The following VPS41 variants were observed in gnomAD, a reference collection of about 807,000 sequenced individuals.
VPS41 encodes the protein vacuolar protein sorting-associated protein 41 homolog.
A neutral mutation model predicts 130.9 loss-of-function variants in VPS41; 85 were observed. The observed-to-expected ratio is 0.65, with a 90% CI of 0.55 to 0.78. The LOEUF is 0.78. Among genes scored for constraint, VPS41 ranks in the 30% least tolerant of loss-of-function variants. The pLI, the probability that VPS41 is intolerant of heterozygous loss-of-function variation, is 0.00. For synonymous variants in VPS41, 335 were observed against 332.9 expected (o/e 1.01, Z -0.07); for missense variants, 874 against 1,018.7 (o/e 0.86, Z 1.93).
In VPS41 at chr7:38,828,274, G is replaced by A. The variant is rs541828136; in HGVS notation, c.321+1980C>T. Among the ~76,000 whole-genome samples, 5 of 151,250 alleles carry A rather than the reference G, an allele frequency of 3.3e-5. No homozygotes were observed. In the East Asian group the frequency reaches 9.8e-4, roughly 30 times the overall value. ...ACACACACACGCACACATACGATAT[G>A]TGTGTCTCAAAATGTAGAACTGCAG... is the stretch of plus-strand genomic sequence containing the variant. On this transcript the variant is annotated intron_variant, in intron 5 of 28. Coordinates refer to ENST00000310301, the MANE Select transcript of VPS41 (RefSeq NM_014396.4).
At chr7:38,728,869 T>A in intron 25 of VPS41, 78 bp from the exon 26 acceptor site, 1 of 1,287,262 alleles carries the variant, frequency 7.8e-7, no homozygotes. Flanking sequence ...GTACTGGGGA[T>A]TCCAAAAGCT....
intron 2 of VPS41, among the ~76,000 whole-genome samples, chr7:38,884,511 C>T (rs1472677274): frequency 6.6e-6 from 1 of 152,084 alleles, no homozygotes; most frequent in East Asian, 1.9e-4. Context: ...AAAGGTAACA[C>T]AATTTTTTTT....
intron 4 of VPS41, among the ~76,000 whole-genome samples, chr7:38,854,781 A>G (rs1413052042): frequency 6.6e-6 from 1 of 152,074 alleles, no homozygotes; most frequent in Non-Finnish European, 1.5e-5. Flanking sequence ...TCAGGAAATT[A>G]GCATTCTATG....
chr7:38,880,997 G>A (rs930442427), intron 2 of VPS41, among the ~76,000 whole-genome samples: 1 of 152,034 alleles, frequency 6.6e-6, no homozygotes, highest in African/African-American at 2.4e-5. Context: ...TCTGAAATGC[G>A]GCCTAATGAA....
At chr7:38,764,708 C>T (rs1301799645) in intron 16 of VPS41, among the ~76,000 whole-genome samples, 1 of 152,114 alleles carries the variant, frequency 6.6e-6, no homozygotes. Context: ...TGAGCTAATA[C>T]ACTCTGGGGA....
At chr7:38,752,398 C>T in intron 21 of VPS41, 85 bp from the exon 22 acceptor site, 3 of 1,529,738 alleles carry the variant, frequency 2.0e-6, no homozygotes, top group Non-Finnish European at 2.7e-6. Context: ...GCTCTAAACA[C>T]CTCCCATGGA....
At chr7:38,778,096 C>T (rs979178187) in intron 10 of VPS41, among the ~76,000 whole-genome samples, 1 of 152,130 alleles carries the variant, frequency 6.6e-6, no homozygotes, top group African/African-American at 2.4e-5. Context: ...GCAACATAAA[C>T]TTATAAAAAG....
intron 4 of VPS41, among the ~76,000 whole-genome samples, chr7:38,848,032 T>C (rs1379893282): frequency 6.6e-6 from 1 of 152,210 alleles, no homozygotes; most frequent in African/African-American, 2.4e-5. Flanking sequence ...ACTTCACAAA[T>C]TTGACTCTAC....
At chr7:38,808,789 C>T (rs1479123865) in intron 7 of VPS41, among the ~76,000 whole-genome samples, 2 of 152,138 alleles carry the variant, frequency 1.3e-5, no homozygotes, top group Non-Finnish European at 2.9e-5. Context: ...AAAACCCCAG[C>T]TCCAATCTGA....
rs190127183 is a variant in VPS41, at chr7:38,742,565, T to G, written c.2123-444A>C. 2.6e-4 allele frequency among the ~76,000 whole-genome samples: 39 copies of G among 152,224 alleles called. 2 individuals are homozygous for G. In the East Asian group the frequency reaches 6.7e-3, roughly 26 times the overall value. On this transcript the variant is annotated intron_variant, in intron 24 of 28. Transcript: ENST00000310301. ...TTTCCAGGGTCACACGGCTAATAAG[T>G]AATGTGCCCAAATTCACTCAGGCCA...
chr7:38,817,151 T>C lies in VPS41; in HGVS notation c.450+666A>G, dbSNP rs37472. On this transcript the variant is annotated intron_variant, in intron 7 of 28. Coordinates refer to ENST00000310301, the MANE Select transcript of VPS41 (RefSeq NM_014396.4). Reference sequence around the variant, plus strand: ...AAAGTTTATCAAGGCCCGCAAGAGATTTTCTACAAGGAAAAAAAAAATCGG... The same window carrying C: ...AAAGTTTATCAAGGCCCGCAAGAGACTTTCTACAAGGAAAAAAAAAATCGG... 7.2e-3 allele frequency among the ~76,000 whole-genome samples: 1,096 copies of C among 152,010 alleles called. 9 individuals carry two copies. Among genetic ancestry groups the C allele is most frequent in the Middle Eastern group, 0.024 (7 of 292 alleles).
chr7:38,750,860 A>G (rs554868769), intron 22 of VPS41, among the ~76,000 whole-genome samples: 1 of 152,342 alleles, frequency 6.6e-6, no homozygotes, highest in East Asian at 1.9e-4. Flanking sequence ...GGGAGACTTC[A>G]GGAGACTGCC....
Position 38,752,275 on chromosome 7 carries a change from C to T in VPS41, c.1827G>A (p.Gly609=), listed in dbSNP as rs751472118. The T allele has an allele frequency of 1.7e-5, 27 of 1,613,758 alleles. No homozygotes were observed. Among genetic ancestry groups the T allele is most frequent in the Non-Finnish European group, 2.3e-5 (27 of 1,179,870 alleles). Residue 609 remains glycine (G), a synonymous_variant, in exon 22 of 29, where the codon GGG becomes GGA. Coordinates refer to ENST00000310301, the MANE Select transcript of VPS41 (RefSeq NM_014396.4). ...TGATCTGTTTTTCATGGTAACGCTG[C>T]CCCTTATGGTGGTCTCTCTTGAAAA... The part of the protein sequence containing the change: ...HKLFKRDHHK[G]QRYHEKQISL...
intron 11 of VPS41, among the ~76,000 whole-genome samples, chr7:38,776,461 T>C (rs1784259898): frequency 6.6e-6 from 1 of 152,122 alleles, no homozygotes. Context: ...AAAAAAAGAC[T>C]CTTTTTTGGC....
At chr7:38,730,673 A>G (rs1424068642) in intron 25 of VPS41, among the ~76,000 whole-genome samples, 1 of 152,202 alleles carries the variant, frequency 6.6e-6, no homozygotes, top group Non-Finnish European at 1.5e-5. Flanking sequence ...GCTAAGAAAT[A>G]TGGATGTCAG....
In VPS41 at chr7:38,793,742, C is replaced by T. The variant is rs540111756; in HGVS notation, c.717+1723G>A. 2.8e-3 allele frequency among the ~76,000 whole-genome samples: 429 copies of T among 152,206 alleles called. 2 individuals are homozygous for T. The highest frequency in any genetic ancestry group is 5.3e-3 in the Admixed American group (81 of 15,292). On this transcript the variant is annotated intron_variant, in intron 9 of 28. Coordinates refer to ENST00000310301, the MANE Select transcript of VPS41 (RefSeq NM_014396.4). ...CTAGGGGACAATCTGCTGTCTCCTC[C>T]AGCTTTCTGGTGGCTGCCACCATTC...
At chr7:38,854,986 G>A (rs566092192) in intron 4 of VPS41, among the ~76,000 whole-genome samples, 20 of 151,870 alleles carry the variant, frequency 1.3e-4, no homozygotes, top group East Asian at 1.9e-4. Flanking sequence ...CGAGGTGGGC[G>A]GATCATGAGG....
chr7:38,813,342 G>A (rs1325048842), intron 7 of VPS41, among the ~76,000 whole-genome samples: 5 of 152,080 alleles, frequency 3.3e-5, no homozygotes, highest in Admixed American at 2.6e-4. Context: ...TAGATTAGTG[G>A]TTGCCTAGGG....
At chr7:38,867,567 A>C (rs1562616465) in intron 3 of VPS41, among the ~76,000 whole-genome samples, 1 of 151,988 alleles carries the variant, frequency 6.6e-6, no homozygotes, top group African/African-American at 2.4e-5. Flanking sequence ...ATAAATAAAT[A>C]AAAGAAAGAA....
Sources: allele counts gnomAD v4.1 joint callset (sites outside exome capture counted in the v4.1 genomes callset), GRCh38; gene constraint gnomAD v4.1.1; transcripts MANE v1.5; gene names NCBI Gene and HGNC (gene_info 2026-07-23, HGNC 2026-07-21).